COX15: variants seen among roughly 807,000 people sequenced by gnomAD.
The protein encoded by COX15 is cytochrome c oxidase assembly factor COX15.
Under a neutral mutation model 51.9 loss-of-function variants are expected in COX15, and 51 were observed. The observed-to-expected ratio is 0.98, with a 90% CI of 0.78 to 1.24. COX15 has a LOEUF of 1.24. Ranked by LOEUF, COX15 falls within the 50% of genes most tolerant of loss-of-function variation. The pLI, the probability that COX15 is intolerant of heterozygous loss-of-function variation, is 0.00. For synonymous variants in COX15, 188 were observed against 190.5 expected, an observed-to-expected ratio of 0.99 and a Z score of 0.11; for missense variants, 420 against 501.1, an observed-to-expected ratio of 0.84 and a Z score of 1.55.
intron 4 of COX15, among the ~76,000 whole-genome samples, chr10:99,726,009 T>A (rs749262871): frequency 6.6e-6 from 1 of 152,244 alleles, no homozygotes; most frequent in Non-Finnish European, 1.5e-5. Context: ...CTCTTTTAAT[T>A]TGTTGCTCAG....
chr10:99,702,798 C>A, the COX15 span: 2 of 826,466 alleles, frequency 2.4e-6, no homozygotes, highest in Non-Finnish European at 3.4e-6. Context: ...TTCCTCTCTA[C>A]CCCCTCACAA....
chr10:99,701,103 G>A, the COX15 span: 2 of 1,437,400 alleles, frequency 1.4e-6, no homozygotes, highest in Admixed American at 3.4e-5. Flanking sequence ...TTAAAATCTA[G>A]ATGGCAGATT....
At chr10:99,698,691 C>T in the COX15 span, 1 of 1,614,178 alleles carries the variant, frequency 6.2e-7, no homozygotes, top group South Asian at 1.1e-5. Flanking sequence ...GAGCCCCCTG[C>T]TGGCTCGCTC....
chr10:99,708,426 C>T (rs1185088055), downstream of COX15, among the ~76,000 whole-genome samples: 1 of 152,144 alleles, frequency 6.6e-6, no homozygotes, highest in East Asian at 1.9e-4. Flanking sequence ...GTAGGCTTAA[C>T]GAATAGCAGA....
At chr10:99,720,173 G>A (rs1244221292) in intron 6 of COX15, among the ~76,000 whole-genome samples, 4 of 152,198 alleles carry the variant, frequency 2.6e-5, no homozygotes, top group African/African-American at 9.6e-5. Context: ...GGCCAGGCAT[G>A]GTAGCTCATG....
chr10:99,710,576 A>G, downstream of COX15: 2 of 985,428 alleles, frequency 2.0e-6, no homozygotes, highest in Non-Finnish European at 2.4e-6. Context: ...ATTCTCACTG[A>G]CAAACATTTT....
rs773110411 is a variant in COX15 at position 99,729,558 on chromosome 10, TA to T, written c.266del (p.Val89GlufsTer4). Reference sequence around the variant, plus strand: ...ACTACGAGCAAATTACTTACCTAGTTACTCCACCAAGAATAACTGCTCCAGC... The same window carrying T: ...ACTACGAGCAAATTACTTACCTAGTTCTCCACCAAGAATAACTGCTCCAGC... ...TVAGAVILGG[V>X]TRLTESGLSM... is the part of the protein sequence containing the mutation. On this transcript the variant is annotated frameshift_variant, in exon 2 of 9. Coordinates refer to ENST00000016171, the MANE Select transcript of COX15 (RefSeq NM_078470.6). LOFTEE classifies it high-confidence loss of function. 1.2e-6 allele frequency: 2 copies of T among 1,613,146 alleles called. No homozygotes were observed. Among genetic ancestry groups the T allele is most frequent in the Admixed American group, 3.3e-5 (2 of 59,998 alleles).
intron 6 of COX15, among the ~76,000 whole-genome samples, chr10:99,720,543 T>C (rs1053059598): frequency 6.6e-6 from 1 of 152,222 alleles, no homozygotes; most frequent in African/African-American, 2.4e-5. Context: ...CTGACCCATG[T>C]TGATGTAATG....
At chr10:99,710,713 G>C, downstream of COX15, 1 of 985,302 alleles carries the variant, frequency 1.0e-6, no homozygotes, top group South Asian at 4.7e-5. Flanking sequence ...GGACCACAAG[G>C]GTAGCTGTAG....
chr10:99,729,209 C>G (rs2037055459), intron 2 of COX15, among the ~76,000 whole-genome samples: 1 of 152,170 alleles, frequency 6.6e-6, no homozygotes, highest in Admixed American at 6.5e-5. Flanking sequence ...TGCCTGTAAT[C>G]CTGGCACTTT....
intron 2 of COX15, among the ~76,000 whole-genome samples, chr10:99,728,912 A>G (rs1412551779): frequency 6.6e-6 from 1 of 152,252 alleles, no homozygotes; most frequent in Non-Finnish European, 1.5e-5. Flanking sequence ...ATTGTGATGT[A>G]CAGAACTTCT....
the COX15 span, chr10:99,700,895 G>GGAAC: frequency 1.7e-6 from 2 of 1,182,106 alleles, no homozygotes; most frequent in Non-Finnish European, 1.3e-6. Flanking sequence ...CTTTAGAAAT[G>GGAAC]GAACAGCTGT....
At chr10:99,727,383 A>G in intron 3 of COX15, 58 bp downstream of exon 3, 2 of 1,601,272 alleles carry the variant, frequency 1.2e-6, no homozygotes, top group Non-Finnish European at 1.7e-6. Flanking sequence ...GAAGGGTTTA[A>G]GTCCAAAAGA....
the COX15 span, among the ~76,000 whole-genome samples, chr10:99,702,312 G>A: frequency 6.6e-6 from 1 of 152,112 alleles, no homozygotes; most frequent in South Asian, 2.1e-4. Context: ...GAAAAACACA[G>A]CCACAGTATC....
At position 99,714,094 on chromosome 10, in the gene COX15, C is replaced by T. The variant is rs2036488687; in HGVS notation, c.*493G>A. 2.0e-6 allele frequency: 2 copies of T among 1,005,768 alleles called. No individual in the cohort carries two copies. Among genetic ancestry groups the T allele is most frequent in the South Asian group, 8.4e-5 (2 of 23,858 alleles). 62.3% of individuals were successfully genotyped at this position (1,005,768 alleles called of 1,614,324 possible). On this transcript the variant is annotated 3_prime_UTR_variant, in exon 9 of 9. Transcript: ENST00000016171. ...CTGCAATTTCCCCATTTCTGAAAAT[C>T]AGGATATTAGAAGACATTAGCTTTT...
rs35354032 is a variant in COX15 at position 99,715,986 on chromosome 10, CTTT to C, written c.1101+359_1101+361del. ...ATTTTCTCCTAGTCTGTCACCTTTCCTTTTTTTTTTTTTTTTTTTTAAACAGAC... is the reference window on the plus strand; with the variant it reads ...ATTTTCTCCTAGTCTGTCACCTTTCCTTTTTTTTTTTTTTTTTAAACAGAC... On this transcript the variant is annotated intron_variant, in intron 8 of 8. Transcript: ENST00000016171. 5.4e-3 allele frequency among the ~76,000 whole-genome samples: 701 copies of C among 130,104 alleles called. 1 individual carries two copies. The highest frequency in any genetic ancestry group is 8.3e-3 in the Non-Finnish European group (527 of 63,240). The allele number at this position is 130,104 out of a possible 152,430, so 85.4% of individuals were successfully genotyped here. A position where few individuals can be genotyped will look rare whatever the true frequency, so the allele number is the denominator to read the frequency against.
Position 99,716,409 on chromosome 10 carries a change from A to G in COX15, c.1040T>C (p.Ile347Thr), listed in dbSNP as rs144580290. 205 of 1,614,038 alleles carry G rather than the reference A, an allele frequency of 1.3e-4. No individual in the cohort carries two copies. The African/African-American group carries it at 2.5e-3, about 20-fold the overall frequency. Residue 347 changes from isoleucine to threonine, a missense_variant, in exon 8 of 9, where the codon ATT becomes ACT. Ile to Thr is a moderately conservative substitution (Grantham distance 89, BLOSUM62 -1). Coordinates refer to ENST00000016171, the MANE Select transcript of COX15 (RefSeq NM_078470.6). ...ITVLYFLSRR[I>T]PLPRRTKMAA... Reference sequence around the variant, plus strand: ...CATCTTGGTCCTTCTAGGAAGGGGAATTCTCCGAGAGAGGAAGTAGAGCAC... The same window carrying G: ...CATCTTGGTCCTTCTAGGAAGGGGAGTTCTCCGAGAGAGGAAGTAGAGCAC...
intron 4 of COX15, among the ~76,000 whole-genome samples, chr10:99,724,817 A>C (rs2036899641): frequency 6.6e-6 from 1 of 152,246 alleles, no homozygotes; most frequent in South Asian, 2.1e-4. Flanking sequence ...TAAATGCTTA[A>C]AAACATCTAC....
chr10:99,695,520 C>CA, the COX15 span, among the ~76,000 whole-genome samples: 99 of 113,850 alleles, frequency 8.7e-4, no homozygotes, highest in Admixed American at 1.6e-3. Flanking sequence ...GACTCTGTCT[C>CA]AAAAAAAAAA....
Sources: allele counts gnomAD v4.1 joint callset (sites outside exome capture counted in the v4.1 genomes callset), GRCh38; gene constraint gnomAD v4.1.1; transcripts MANE v1.5; gene names NCBI Gene and HGNC (gene_info 2026-07-23, HGNC 2026-07-21).